The following GALNT13 variants were observed in gnomAD, a reference collection of about 807,000 sequenced individuals.
The protein encoded by GALNT13 is UDP-GalNAc:polypeptide N-acetylgalactosaminyltransferase 13.
GALNT13 carries 28 observed loss-of-function variants against 64.2 expected under a neutral mutation model. The ratio of observed to expected loss-of-function variants is 0.44; its 90% confidence interval spans 0.32 to 0.60. The LOEUF (loss-of-function observed/expected upper bound fraction) is 0.60. Among genes scored for constraint, GALNT13 ranks in the 20% least tolerant of loss-of-function variants. GALNT13 has a pLI of 0.05. For synonymous variants in GALNT13, 214 were observed against 224.6 expected, an observed-to-expected ratio of 0.95 and a Z score of 0.42; for missense variants, 577 against 669.8, an observed-to-expected ratio of 0.86 and a Z score of 1.53.
chr2:154,211,489 A>G (rs930274505), intron 4 of GALNT13, among the ~76,000 whole-genome samples: 1 of 151,700 alleles, frequency 6.6e-6, no homozygotes. Flanking sequence ...TTAGCCAGGC[A>G]TGGTGATGCA....
chr2:154,072,786 T>C (rs1574452635), intron 3 of GALNT13, among the ~76,000 whole-genome samples: 1 of 152,036 alleles, frequency 6.6e-6, no homozygotes, highest in Non-Finnish European at 1.5e-5. Flanking sequence ...AAGTTTGCTA[T>C]TGGAAAATAG....
intron 4 of GALNT13, among the ~76,000 whole-genome samples, chr2:154,211,452 C>A (rs1382615082): frequency 6.6e-6 from 1 of 151,336 alleles, no homozygotes; most frequent in Non-Finnish European, 1.5e-5. Context: ...CATGGAAAAA[C>A]CCTGTCTCTA....
the GALNT13 span, among the ~76,000 whole-genome samples, chr2:153,082,440 A>G: frequency 6.6e-6 from 1 of 151,030 alleles, no homozygotes; most frequent in South Asian, 2.1e-4. Context: ...ACTTCGAATA[A>G]TATTCTCCAA....
At chr2:153,689,070 A>ATGTGTGTGTGTGTG in the GALNT13 span, among the ~76,000 whole-genome samples, 65 of 127,808 alleles carry the variant, frequency 5.1e-4, 2 homozygotes, top group African/African-American at 1.6e-3. Flanking sequence ...CCGCGTGTGT[A>ATGTGTGTGTGTGTG]TGTGTGTGTG....
the GALNT13 span, among the ~76,000 whole-genome samples, chr2:153,253,976 G>T: frequency 2.7e-3 from 413 of 152,254 alleles, no homozygotes; most frequent in Middle Eastern, 0.01. Context: ...GATGATGCTG[G>T]CCTCATAAAA....
intron 3 of GALNT13, among the ~76,000 whole-genome samples, chr2:154,104,060 C>T (rs527952733): frequency 5.3e-5 from 8 of 152,104 alleles, no homozygotes; most frequent in South Asian, 2.1e-4. Flanking sequence ...GGCCCAGGTG[C>T]GGGAGGAGAC....
chr2:153,368,801 A>G, the GALNT13 span, among the ~76,000 whole-genome samples: 1 of 152,162 alleles, frequency 6.6e-6, no homozygotes, highest in African/African-American at 2.4e-5. Context: ...AGAGGATCTG[A>G]ACAACACTAT....
chr2:154,161,142 G>T (rs1684702834), intron 4 of GALNT13, among the ~76,000 whole-genome samples: 1 of 152,132 alleles, frequency 6.6e-6, no homozygotes, highest in Admixed American at 6.5e-5. Flanking sequence ...GAGGGTAAAA[G>T]ACACTGAAAT....
the GALNT13 span, among the ~76,000 whole-genome samples, chr2:153,340,267 C>CT: frequency 1.3e-5 from 2 of 152,160 alleles, no homozygotes; most frequent in Non-Finnish European, 2.9e-5. Flanking sequence ...TCTTCATTTT[C>CT]TTTTTTTCTG....
At chr2:153,831,225 TCAC>T in the GALNT13 span, among the ~76,000 whole-genome samples, 1 of 152,160 alleles carries the variant, frequency 6.6e-6, no homozygotes, top group Non-Finnish European at 1.5e-5. Flanking sequence ...ACTTAAGTTA[TCAC>T]TATTCTATCA....
intron 4 of GALNT13, among the ~76,000 whole-genome samples, chr2:154,173,023 A>G (rs1022233677): frequency 6.6e-6 from 1 of 152,050 alleles, no homozygotes; most frequent in Non-Finnish European, 1.5e-5. Flanking sequence ...AGCAATCATG[A>G]GCAAAAAAGA....
intron 4 of GALNT13, among the ~76,000 whole-genome samples, chr2:154,145,075 T>C (rs1683496512): frequency 1.5e-5 from 1 of 65,754 alleles, no homozygotes; most frequent in Non-Finnish European, 3.5e-5. Context: ...TCTCTCTCTA[T>C]CTATCTATCT....
the GALNT13 span, among the ~76,000 whole-genome samples, chr2:153,510,761 A>G: frequency 5.3e-5 from 8 of 151,740 alleles, no homozygotes; most frequent in African/African-American, 1.7e-4. Flanking sequence ...GTGGTCTAAA[A>G]TAGGAGGGAT....
chr2:153,872,173 C>T lies in GALNT13; in HGVS notation c.-307C>T, dbSNP rs1405629953. 6.7e-6 allele frequency: 1 copy of T among 150,238 alleles called. No individual in the cohort carries two copies. Among genetic ancestry groups the T allele is most frequent in the African/African-American group, 2.4e-5 (1 of 40,836 alleles). The allele number at this position is 150,238 out of a possible 1,614,324, so 9.3% of individuals were successfully genotyped here. ...CGGCGCTCGCGGGCCGGCGCGGGTT[C>T]CAGGTGAGCGCGGACTCGGCGAGCC... On this transcript the variant is annotated 5_prime_UTR_variant, in exon 1 of 13. Transcript: ENST00000392825.
the GALNT13 span, chr2:153,478,204 T>A: frequency 1.9e-6 from 3 of 1,569,132 alleles, no homozygotes; most frequent in East Asian, 6.8e-5. Flanking sequence ...TGGGCAGGCG[T>A]GGGAGCGGTT....
intron 11 of GALNT13, chr2:154,437,868 A>C: frequency 4.5e-6 from 1 of 221,894 alleles, no homozygotes; most frequent in Admixed American, 5.4e-5. Flanking sequence ...AAAAAAAAAA[A>C]AAACCCTCAT....
the GALNT13 span, among the ~76,000 whole-genome samples, chr2:153,546,454 A>G: frequency 6.6e-6 from 1 of 152,294 alleles, no homozygotes; most frequent in African/African-American, 2.4e-5. Context: ...AAATATGAGC[A>G]TATATTGTAT....
the GALNT13 span, among the ~76,000 whole-genome samples, chr2:153,094,464 A>C: frequency 6.6e-6 from 1 of 152,220 alleles, no homozygotes; most frequent in Non-Finnish European, 1.5e-5. Context: ...CATACTGCCC[A>C]AGGTAATTTA....
chr2:154,330,960 T>G (rs1574099921), intron 9 of GALNT13, among the ~76,000 whole-genome samples: 1 of 152,120 alleles, frequency 6.6e-6, no homozygotes, highest in Admixed American at 6.6e-5. Flanking sequence ...TTCCCTAGTC[T>G]CAGCTGGAAG....
Sources: gnomAD v4.1 joint callset for allele counts (sites outside exome capture counted in the v4.1 genomes callset) on GRCh38, gnomAD v4.1.1 for gene constraint, MANE v1.5 for transcripts, NCBI Gene and HGNC (gene_info 2026-07-23, HGNC 2026-07-21) for gene names.